The following ENTPD1 variants were observed in gnomAD, a reference collection of about 807,000 sequenced individuals.
The protein encoded by ENTPD1 is ATP diphosphohydrolase.
ENTPD1 carries 33 observed loss-of-function variants against 57.0 expected under a neutral mutation model. The observed-to-expected ratio is 0.58, with a 90% CI of 0.44 to 0.77. ENTPD1 has a LOEUF of 0.77. ENTPD1 is among the 30% of genes least tolerant of loss of function. The pLI is 0.00. For missense variants in ENTPD1, 501 were observed against 603.4 expected (o/e 0.83, Z 1.78); for synonymous variants, 202 against 218.8 (o/e 0.92, Z 0.68).
chr10:95,821,117 T>C (rs550624662), intron 1 of ENTPD1, among the ~76,000 whole-genome samples: 1 of 152,362 alleles, frequency 6.6e-6, no homozygotes, highest in African/African-American at 2.4e-5. Flanking sequence ...TAGGGCTGTG[T>C]TTGTCAACAT....
At chr10:95,722,345 C>T (rs955991167) in intron 1 of ENTPD1, among the ~76,000 whole-genome samples, 1 of 151,068 alleles carries the variant, frequency 6.6e-6, no homozygotes, top group Non-Finnish European at 1.5e-5. Context: ...GCACAATGTG[C>T]AGGTTAGTTA....
In ENTPD1 at chr10:95,872,138, T is replaced by C; in HGVS notation, c.*5755T>C. 4 of 985,450 alleles carry C rather than the reference T, an allele frequency of 4.1e-6. No homozygotes were observed. Among genetic ancestry groups the C allele is most frequent in the Non-Finnish European group, 4.8e-6 (4 of 829,938 alleles). 61.0% of individuals were successfully genotyped at this position (985,450 alleles called of 1,614,324 possible). On this transcript the variant is annotated 3_prime_UTR_variant, in exon 10 of 10. Transcript: ENST00000371205. ...TTATTGCTCCAGTAAAGAGCTGTAA[T>C]ATATTTTACCTGGACTGATACCAGG...
chr10:95,872,630 AT>A lies in ENTPD1; in HGVS notation c.*6248del. 2.0e-6 allele frequency: 2 copies of A among 985,204 alleles called. No homozygotes were observed. The highest frequency in any genetic ancestry group is 1.7e-5 in the African/African-American group (1 of 57,260). The allele number at this position is 985,204 out of a possible 1,614,324, so 61.0% of individuals were successfully genotyped here. A position where few individuals can be genotyped will look rare whatever the true frequency, so the allele number is the denominator to read the frequency against. On this transcript the variant is annotated 3_prime_UTR_variant, in exon 10 of 10. Coordinates refer to ENST00000371205, the MANE Select transcript of ENTPD1 (RefSeq NM_001776.6). ...TCTGGGTGAAGCTTCCTGGTGAAAAATATGTTACCTATTTCTTTCTGAAAAG... is the reference window on the plus strand; with the variant it reads ...TCTGGGTGAAGCTTCCTGGTGAAAAAATGTTACCTATTTCTTTCTGAAAAG...
chr10:95,701,879 G>T, the ENTPD1 span, among the ~76,000 whole-genome samples: 1 of 152,052 alleles, frequency 6.6e-6, no homozygotes, highest in Non-Finnish European at 1.5e-5. Context: ...AATTAAAAAT[G>T]AAAGTTAAAC....
the ENTPD1 span, among the ~76,000 whole-genome samples, chr10:95,706,670 C>T: frequency 0.1 from 15,519 of 152,236 alleles, 929 homozygotes; most frequent in Middle Eastern, 0.2. Flanking sequence ...CATCCTCTGT[C>T]CTGCTCTGGC....
chr10:95,733,658 C>T (rs1383409453), intron 1 of ENTPD1, among the ~76,000 whole-genome samples: 1 of 152,132 alleles, frequency 6.6e-6, no homozygotes, highest in Non-Finnish European at 1.5e-5. Flanking sequence ...TCAGTCAGTC[C>T]CTCTTTTCCG....
intron 1 of ENTPD1, among the ~76,000 whole-genome samples, chr10:95,734,006 C>G (rs980269250): frequency 2.0e-5 from 3 of 152,086 alleles, no homozygotes; most frequent in Non-Finnish European, 2.9e-5. Context: ...GTGGTCATGT[C>G]CTGCTGGGTA....
chr10:95,724,813 T>C (rs1351048009), intron 1 of ENTPD1, among the ~76,000 whole-genome samples: 1 of 152,136 alleles, frequency 6.6e-6, no homozygotes, highest in African/African-American at 2.4e-5. Context: ...AGTTGCAAGA[T>C]TTAATAGAGT....
intron 7 of ENTPD1, among the ~76,000 whole-genome samples, chr10:95,850,894 T>C (rs372029280): frequency 6.6e-6 from 1 of 152,206 alleles, no homozygotes; most frequent in Non-Finnish European, 1.5e-5. Flanking sequence ...AGAGAATTTG[T>C]TGGGGAGGGA....
rs4917714 is a variant in ENTPD1, at chr10:95,832,529, G to C, written c.145-7162G>C. On this transcript the variant is annotated intron_variant, in intron 2 of 9. Coordinates refer to ENST00000371205, the MANE Select transcript of ENTPD1 (RefSeq NM_001776.6). ...TGGTTCCCCACTTCCTTGTCTACTC[G>C]TAACTGAACACTGGCAGTTAGTGGT... Among the ~76,000 whole-genome samples, 210 of 151,980 alleles carry C rather than the reference G, an allele frequency of 1.4e-3. 2 individuals carry two copies. Among genetic ancestry groups the C allele is most frequent in the African/African-American group, 4.8e-3 (200 of 41,452 alleles).
intron 1 of ENTPD1, among the ~76,000 whole-genome samples, chr10:95,745,880 C>T (rs2098005542): frequency 6.6e-6 from 1 of 152,190 alleles, no homozygotes; most frequent in South Asian, 2.1e-4. Context: ...CATTCTGCCA[C>T]ATTCAAGGGC....
At chr10:95,744,297 A>G (rs2098003690) in intron 1 of ENTPD1, among the ~76,000 whole-genome samples, 1 of 151,944 alleles carries the variant, frequency 6.6e-6, no homozygotes, top group Non-Finnish European at 1.5e-5. Flanking sequence ...ATGTACTTTT[A>G]CACAGTTCCT....
chr10:95,818,715 C>G (rs2098338357), intron 1 of ENTPD1, among the ~76,000 whole-genome samples: 1 of 152,122 alleles, frequency 6.6e-6, no homozygotes, highest in African/African-American at 2.4e-5. Flanking sequence ...AAGAAGAGTT[C>G]CCTGATGGAG....
Position 95,876,479 on chromosome 10 carries a change from C to G in ENTPD1, c.*10096C>G. ...TAATCAATAGCTTAAAAATATGTCT[C>G]TCTGTCCTATTCTGTATCTGTATCT... On this transcript the variant is annotated 3_prime_UTR_variant, in exon 10 of 10. Coordinates refer to ENST00000371205, the MANE Select transcript of ENTPD1 (RefSeq NM_001776.6). The G allele has an allele frequency of 8.1e-7, 1 of 1,231,304 alleles. No homozygotes were observed. The highest frequency in any genetic ancestry group is 3.1e-4 in the Middle Eastern group (1 of 3,200). The allele number at this position is 1,231,304 out of a possible 1,614,324, so 76.3% of individuals were successfully genotyped here.
upstream of ENTPD1, among the ~76,000 whole-genome samples, chr10:95,751,669 C>T (rs181128616): frequency 3.8e-4 from 56 of 148,572 alleles, no homozygotes; most frequent in East Asian, 0.011. Context: ...GAGTCAAGAT[C>T]GTGCCACTGC....
intron 2 of ENTPD1, among the ~76,000 whole-genome samples, chr10:95,824,523 G>A (rs2098366745): frequency 1.3e-5 from 2 of 152,324 alleles, no homozygotes; most frequent in South Asian, 2.1e-4. Context: ...GTTAAGGGTC[G>A]CTTGCCTTTT....
rs181471620 is a variant in ENTPD1, at chr10:95,772,747, C to T, written c.16+16492C>T. 4.4e-3 allele frequency among the ~76,000 whole-genome samples: 667 copies of T among 152,186 alleles called. 2 individuals carry two copies. The highest frequency in any genetic ancestry group is 0.02 in the Middle Eastern group (6 of 294). On this transcript the variant is annotated intron_variant, in intron 1 of 9. Coordinates refer to ENST00000371205, the MANE Select transcript of ENTPD1 (RefSeq NM_001776.6). Reference sequence around the variant, plus strand: ...TGAATCATGAATGTTCTTAATGGCACCTAGAATGGTAATTTTTGTCCAGAA... The same window carrying T: ...TGAATCATGAATGTTCTTAATGGCATCTAGAATGGTAATTTTTGTCCAGAA...
chr10:95,823,014 A>G (rs201903611), intron 1 of ENTPD1, among the ~76,000 whole-genome samples: 7 of 152,316 alleles, frequency 4.6e-5, no homozygotes, highest in African/African-American at 9.6e-5. Context: ...TGTCCTTGCC[A>G]CAGCCACTAA....
chr10:95,796,061 T>A (rs1017680288), intron 1 of ENTPD1, among the ~76,000 whole-genome samples: 2 of 152,202 alleles, frequency 1.3e-5, no homozygotes, highest in African/African-American at 4.8e-5. Flanking sequence ...AACCATGGAA[T>A]TGAGAAGTTA....
Sources: gnomAD v4.1 joint callset for allele counts (sites outside exome capture counted in the v4.1 genomes callset) on GRCh38, gnomAD v4.1.1 for gene constraint, MANE v1.5 for transcripts, NCBI Gene and HGNC (gene_info 2026-07-23, HGNC 2026-07-21) for gene names.